Variants in PCDH9 observed in about 807,000 individuals in gnomAD.
PCDH9 encodes protocadherin 9.
In PCDH9, 24 loss-of-function variants were observed where a neutral mutation model predicts 70.6. That is an observed-to-expected ratio of 0.34 (90% CI 0.25 to 0.48). The LOEUF is 0.48. Among genes scored for constraint, PCDH9 ranks in the 20% least tolerant of loss-of-function variants. The pLI, the probability that PCDH9 is intolerant of heterozygous loss-of-function variation, is 0.99. For missense variants in PCDH9, 1,281 were observed against 1,503.6 expected, an observed-to-expected ratio of 0.85 and a Z score of 2.45; for synonymous variants, 562 against 558.5, an observed-to-expected ratio of 1.01 and a Z score of -0.09.
intron 4 of PCDH9, among the ~76,000 whole-genome samples, chr13:66,435,578 AT>A (rs1307517481): frequency 6.6e-6 from 1 of 152,100 alleles, no homozygotes; most frequent in Non-Finnish European, 1.5e-5. Flanking sequence ...CACTCCCTTC[AT>A]TTTCATTCAC....
intron 4 of PCDH9, among the ~76,000 whole-genome samples, chr13:66,354,050 C>T (rs1388786302): frequency 1.3e-5 from 2 of 152,178 alleles, no homozygotes; most frequent in African/African-American, 4.8e-5. Flanking sequence ...ATTTTAAAGG[C>T]AGCAAAACTC....
chr13:67,179,697 A>C (rs2088564961), intron 2 of PCDH9, among the ~76,000 whole-genome samples: 1 of 152,116 alleles, frequency 6.6e-6, no homozygotes, highest in African/African-American at 2.4e-5. Context: ...ATCATTTATG[A>C]AGTAAATATT....
chr13:66,437,310 G>A (rs538474973), intron 4 of PCDH9, among the ~76,000 whole-genome samples: 1 of 144,778 alleles, frequency 6.9e-6, no homozygotes, highest in South Asian at 2.2e-4. Context: ...AGGAGGCTGA[G>A]GCAGGAGAAT....
chr13:66,611,319 G>A lies in PCDH9; in HGVS notation c.3340+19891C>T, dbSNP rs528537682. On this transcript the variant is annotated intron_variant, in intron 4 of 4. Transcript: ENST00000377865. ...CAGTCAAATTATGACTAATTACAAA[G>A]AAATTAAGAAGTTTCTGGCTAATTA... Among the ~76,000 whole-genome samples, 17 of 152,132 alleles carry A rather than the reference G, an allele frequency of 1.1e-4. No homozygotes were observed. In the East Asian group the frequency reaches 3.3e-3, roughly 29 times the overall value.
At chr13:67,058,982 T>C (rs910907341) in intron 2 of PCDH9, among the ~76,000 whole-genome samples, 4 of 152,028 alleles carry the variant, frequency 2.6e-5, no homozygotes, top group Non-Finnish European at 5.9e-5. Flanking sequence ...AGTTAGGGCC[T>C]TCCAACTGCA....
intron 2 of PCDH9, among the ~76,000 whole-genome samples, chr13:67,190,141 G>A (rs898599174): frequency 5.9e-5 from 9 of 151,894 alleles, no homozygotes; most frequent in African/African-American, 1.9e-4. Context: ...CTTAGAAATT[G>A]TACTCTAAAT....
rs1371251502 is a variant in PCDH9, at chr13:66,445,459, C to CAT, written c.3341-140433_3341-140432dup. Among the ~76,000 whole-genome samples, 5 of 142,166 alleles carry CAT rather than the reference C, an allele frequency of 3.5e-5. No individual in the cohort carries two copies. In the Admixed American group the frequency reaches 3.6e-4, roughly 10 times the overall value. The allele number at this position is 142,166 out of a possible 152,430, so 93.3% of individuals were successfully genotyped here. A position where few individuals can be genotyped will look rare whatever the true frequency, so the allele number is the denominator to read the frequency against. ...ATGTAGATGTGTGTATATATATACA[C>CAT]ATATATATAATATATATACACATAA... On this transcript the variant is annotated intron_variant, in intron 4 of 4. Coordinates refer to ENST00000377865, the MANE Select transcript of PCDH9 (RefSeq NM_203487.3).
chr13:66,573,765 G>T (rs1303336969), intron 4 of PCDH9, among the ~76,000 whole-genome samples: 2 of 150,578 alleles, frequency 1.3e-5, no homozygotes, highest in East Asian at 1.9e-4. Context: ...TTGTTTGTTT[G>T]TTTTTTTGGT....
chr13:66,725,708 C>T (rs539601326), intron 3 of PCDH9, among the ~76,000 whole-genome samples: 10 of 152,172 alleles, frequency 6.6e-5, no homozygotes, highest in East Asian at 3.9e-4. Context: ...CACAGTTGAA[C>T]CAGTAATGAA....
chr13:67,113,353 T>C (rs918391366), intron 2 of PCDH9, among the ~76,000 whole-genome samples: 3 of 152,138 alleles, frequency 2.0e-5, no homozygotes, highest in African/African-American at 7.2e-5. Flanking sequence ...CAAAGAAAAA[T>C]GTTTAACACA....
chr13:67,139,897 G>A (rs1000568873), intron 2 of PCDH9, among the ~76,000 whole-genome samples: 9 of 151,892 alleles, frequency 5.9e-5, no homozygotes, highest in African/African-American at 1.5e-4. Flanking sequence ...TTTCAAGTAC[G>A]CTTTTTTTGG....
At chr13:66,960,202 C>T (rs997311162) in intron 2 of PCDH9, among the ~76,000 whole-genome samples, 2 of 152,150 alleles carry the variant, frequency 1.3e-5, no homozygotes, top group African/African-American at 4.8e-5. Context: ...AGCTTTTGAT[C>T]ATCAGCCAAA....
intron 3 of PCDH9, among the ~76,000 whole-genome samples, chr13:66,875,131 C>G (rs2081780240): frequency 6.6e-6 from 1 of 152,098 alleles, no homozygotes; most frequent in African/African-American, 2.4e-5. Flanking sequence ...TCAACATCTC[C>G]CCTAAAGGAG....
intron 3 of PCDH9, among the ~76,000 whole-genome samples, chr13:66,894,177 G>C (rs1442541677): frequency 1.3e-5 from 2 of 151,914 alleles, no homozygotes; most frequent in Non-Finnish European, 2.9e-5. Flanking sequence ...AGAAATAAAT[G>C]ACATTTAAAG....
intron 2 of PCDH9, among the ~76,000 whole-genome samples, chr13:67,150,126 C>A (rs753283979): frequency 1.3e-4 from 20 of 152,184 alleles, no homozygotes; most frequent in African/African-American, 4.3e-4. Context: ...ATCTGCCTCC[C>A]AGGTTCAAGT....
intron 4 of PCDH9, among the ~76,000 whole-genome samples, chr13:66,408,584 C>T (rs1957321962): frequency 6.6e-6 from 1 of 152,112 alleles, no homozygotes; most frequent in African/African-American, 2.4e-5. Context: ...ATAGTAGAAC[C>T]TACTATAAAC....
intron 2 of PCDH9, chr13:67,225,121 C>T (rs2138132651): frequency 7.7e-7 from 1 of 1,300,126 alleles, no homozygotes; most frequent in African/African-American, 1.5e-5. Flanking sequence ...TTTTCTTCTT[C>T]AGCAAACATT....
intron 2 of PCDH9, among the ~76,000 whole-genome samples, chr13:66,947,803 A>G (rs1267097231): frequency 1.3e-5 from 2 of 152,134 alleles, no homozygotes; most frequent in Admixed American, 6.6e-5. Context: ...GACATTGTAC[A>G]TGATCATATA....
At chr13:66,541,014 C>T (rs549215082) in intron 4 of PCDH9, among the ~76,000 whole-genome samples, 1 of 152,146 alleles carries the variant, frequency 6.6e-6, no homozygotes, top group Non-Finnish European at 1.5e-5. Flanking sequence ...GGAAAGCAGA[C>T]TGGATTGGGT....
Sources: gnomAD v4.1 joint callset for allele counts (sites outside exome capture counted in the v4.1 genomes callset) on GRCh38, gnomAD v4.1.1 for gene constraint, MANE v1.5 for transcripts, NCBI Gene and HGNC (gene_info 2026-07-23, HGNC 2026-07-21) for gene names.